CBFA2T3: variants seen among roughly 807,000 people sequenced by gnomAD.
CBFA2T3 encodes CBFA2/RUNX1 partner transcriptional co-repressor 3.
Under a neutral mutation model 58.6 loss-of-function variants are expected in CBFA2T3, and 31 were observed. That is an observed-to-expected ratio of 0.53 (90% confidence interval 0.40 to 0.71). CBFA2T3 has a LOEUF of 0.71. Ranked by LOEUF, CBFA2T3 falls within the 30% of genes least tolerant of loss-of-function variation. The pLI is 0.00. For missense variants in CBFA2T3, 1,076 were observed against 963.1 expected (o/e 1.12, Z -1.55); for synonymous variants, 531 against 421.9 (o/e 1.26, Z -3.17).
chr16:88,926,355 C>CA (rs1971084774), intron 1 of CBFA2T3, among the ~76,000 whole-genome samples: 1 of 152,206 alleles, frequency 6.6e-6, no homozygotes, highest in Non-Finnish European at 1.5e-5. Flanking sequence ...TGAAGGCCCC[C>CA]CAAGCGCTCC....
intron 1 of CBFA2T3, among the ~76,000 whole-genome samples, chr16:88,960,724 GC>G (rs1189717639): frequency 6.6e-6 from 1 of 152,208 alleles, no homozygotes; most frequent in Non-Finnish European, 1.5e-5. Flanking sequence ...TGTCGTTGTG[GC>G]ACTGGCCTGG....
chr16:88,924,148 C>T (rs528391218), intron 1 of CBFA2T3, among the ~76,000 whole-genome samples: 7 of 148,708 alleles, frequency 4.7e-5, no homozygotes, highest in East Asian at 2.0e-4. Context: ...TGCGGTGGGG[C>T]GGGGCAGGTG....
At chr16:88,909,837 G>C (rs1355029559) in intron 1 of CBFA2T3, among the ~76,000 whole-genome samples, 8 of 152,230 alleles carry the variant, frequency 5.3e-5, no homozygotes, top group Non-Finnish European at 1.2e-4. Flanking sequence ...GCCAGGAATG[G>C]AGCCCCAGCC....
chr16:88,900,865 GT>G (rs1970069590), intron 2 of CBFA2T3, among the ~76,000 whole-genome samples: 1 of 152,254 alleles, frequency 6.6e-6, no homozygotes, highest in Non-Finnish European at 1.5e-5. Flanking sequence ...CGGCGGCTCT[GT>G]GCGCCAAGCA....
intron 1 of CBFA2T3, among the ~76,000 whole-genome samples, chr16:88,917,873 T>G (rs537563254): frequency 6.6e-6 from 1 of 150,624 alleles, no homozygotes; most frequent in African/African-American, 2.5e-5. Flanking sequence ...GAGGAGAGCG[T>G]GGGTGCGGAC....
intron 1 of CBFA2T3, among the ~76,000 whole-genome samples, chr16:88,952,419 A>G (rs12923300): frequency 0.42 from 62,053 of 149,208 alleles, 13,426 homozygotes; most frequent in Middle Eastern, 0.58. Context: ...GCGGGGCACC[A>G]AAATGGCTTT....
intron 3 of CBFA2T3, among the ~76,000 whole-genome samples, chr16:88,893,035 G>A (rs1969711460): frequency 1.3e-5 from 2 of 152,154 alleles, no homozygotes; most frequent in African/African-American, 4.8e-5. Context: ...GGGGCTTGAT[G>A]GCTCACTTCC....
rs1226517138 is a variant in CBFA2T3 at position 88,976,809 on chromosome 16, A to T, written c.-2T>A. 5.8e-6 allele frequency: 9 copies of T among 1,550,586 alleles called. No individual in the cohort carries two copies. In the South Asian group the frequency reaches 9.5e-5, roughly 16 times the overall value. On this transcript the variant is annotated 5_prime_UTR_variant, in exon 1 of 12. Transcript: ENST00000268679. The stretch of plus-strand genomic sequence containing the variant: ...GTCCCTCAGTCTTGAAGCCGGCATG[A>T]GGAGGGCCACCCTCAGGGGCCAACC...
At chr16:88,928,146 CT>C (rs3840847) in intron 1 of CBFA2T3, among the ~76,000 whole-genome samples, 8,057 of 152,342 alleles carry the variant, frequency 0.053, 523 homozygotes, top group African/African-American at 0.16. Flanking sequence ...GTTCCGACTC[CT>C]TGGCCCGAGG....
chr16:88,932,171 C>CCCG lies in CBFA2T3; in HGVS notation c.152-30516_152-30515insCGG, dbSNP rs1567617040. Among the ~76,000 whole-genome samples, 30 of 137,972 alleles carry CCCG rather than the reference C, an allele frequency of 2.2e-4. 1 individual carries two copies. The highest frequency in any genetic ancestry group is 6.8e-4 in the African/African-American group (21 of 30,960). The allele number at this position is 137,972 out of a possible 152,430, so 90.5% of individuals were successfully genotyped here. A position where few individuals can be genotyped will look rare whatever the true frequency, so the allele number is the denominator to read the frequency against. The stretch of plus-strand genomic sequence containing the variant: ...CTGCCAGGTGGCCCCTCACACGGCC[C>CCCG]CTGCTTCCCCCTCACACGGCCCCCG... On this transcript the variant is annotated intron_variant, in intron 1 of 11. Transcript: ENST00000268679.
intron 1 of CBFA2T3, chr16:88,938,576 A>G (rs1216371332): frequency 2.0e-5 from 3 of 152,364 alleles, no homozygotes; most frequent in African/African-American, 7.2e-5. Flanking sequence ...CCCTGTGAGC[A>G]GGAGACACAG....
At chr16:88,922,571 G>A (rs753206514) in intron 1 of CBFA2T3, among the ~76,000 whole-genome samples, 3 of 152,356 alleles carry the variant, frequency 2.0e-5, no homozygotes, top group East Asian at 1.9e-4. Context: ...CAAGCAGTCT[G>A]CCTCTCCTAT....
chr16:88,909,873 G>A (rs140952068), intron 1 of CBFA2T3, among the ~76,000 whole-genome samples: 124 of 152,344 alleles, frequency 8.1e-4, no homozygotes, highest in African/African-American at 2.6e-3. Context: ...CTACTTGGCC[G>A]GGCAGCCGTC....
chr16:88,963,346 T>A (rs1477992908), intron 1 of CBFA2T3, among the ~76,000 whole-genome samples: 3 of 135,312 alleles, frequency 2.2e-5, no homozygotes, highest in Non-Finnish European at 4.8e-5. Flanking sequence ...GGCTTTTTTT[T>A]TTTTTTAAGA....
chr16:88,876,185 A>G lies in CBFA2T3; in HGVS notation c.*791T>C. ...CCTTTGGAGCAGAGGTGTGTCCGGT[A>G]TCCTTGGCTGGCTAGCTAGCAAGGT... On this transcript the variant is annotated 3_prime_UTR_variant, in exon 12 of 12. Transcript: ENST00000268679. The G allele has an allele frequency of 4.3e-6, 1 of 231,926 alleles. No individual in the cohort carries two copies. Among genetic ancestry groups the G allele is most frequent in the African/African-American group, 2.2e-5 (1 of 45,236 alleles). 14.4% of individuals were successfully genotyped at this position (231,926 alleles called of 1,614,324 possible).
rs1281102625 is a variant in CBFA2T3 at position 88,958,219 on chromosome 16, C to A, written c.151+18438G>T. On this transcript the variant is annotated intron_variant, in intron 1 of 11. Transcript: ENST00000268679. This position sits in a 1 kb window ranked among gnomAD's most constrained non-coding sequence, Gnocchi z 4.0. ...AGAAACCTATCCCGAGAGGAAAGGG[C>A]CCTGGGCACAGGCTATGGCAGAAGA... Among the ~76,000 whole-genome samples, 2 of 152,118 alleles carry A rather than the reference C, an allele frequency of 1.3e-5. No homozygotes were observed. Among genetic ancestry groups the A allele is most frequent in the East Asian group, 3.9e-4 (2 of 5,184 alleles).
At chr16:88,967,301 G>A (rs2142876892) in intron 1 of CBFA2T3, among the ~76,000 whole-genome samples, 1 of 152,206 alleles carries the variant, frequency 6.6e-6, no homozygotes, top group African/African-American at 2.4e-5. Flanking sequence ...GTCGAGAGAG[G>A]AAATTGCAAA....
chr16:88,960,896 G>C (rs963560371), intron 1 of CBFA2T3, among the ~76,000 whole-genome samples: 1 of 152,252 alleles, frequency 6.6e-6, no homozygotes, highest in Non-Finnish European at 1.5e-5. Flanking sequence ...AGAATGCCTG[G>C]TTAAATTTGA....
rs1165577771 is a variant in CBFA2T3 at position 88,892,136 on chromosome 16, G to A, written c.621+108C>T. ...GGTGGCATCGTGGGAGCGGGTCCAC[G>A]CCCGGTTGTCAGCGTGGAGCCCATG... On this transcript the variant is annotated intron_variant, in intron 4 of 11. Coordinates refer to ENST00000268679, the MANE Select transcript of CBFA2T3 (RefSeq NM_005187.6). 1.9e-5 allele frequency: 28 copies of A among 1,447,516 alleles called. No homozygotes were observed. Among genetic ancestry groups the A allele is most frequent in the Admixed American group, 7.1e-5 (4 of 56,148 alleles). 89.7% of individuals were successfully genotyped at this position (1,447,516 alleles called of 1,614,324 possible). A position where few individuals can be genotyped will look rare whatever the true frequency, so the allele number is the denominator to read the frequency against.
Sources: allele counts gnomAD v4.1 joint callset (sites outside exome capture counted in the v4.1 genomes callset), GRCh38; gene constraint gnomAD v4.1.1; non-coding constraint Gnocchi (gnomAD v3.1); transcripts MANE v1.5; gene names NCBI Gene and HGNC (gene_info 2026-07-23, HGNC 2026-07-21).